GRM7: variants seen among roughly 807,000 people sequenced by gnomAD.
GRM7 encodes the protein glutamate metabotropic receptor 7, also known as metabotropic glutamate receptor 7.
In GRM7, 35 loss-of-function variants were observed where a neutral mutation model predicts 84.5. The observed-to-expected ratio is 0.41, with a 90% CI of 0.32 to 0.55. The LOEUF (loss-of-function observed/expected upper bound fraction) is 0.55, where lower values mean the gene tolerates loss of function less well. Among genes scored for constraint, GRM7 ranks in the 20% least tolerant of loss-of-function variants. GRM7 has a pLI of 0.19. For missense variants in GRM7, 1,003 were observed against 1,194.6 expected (o/e 0.84, Z 2.36); for synonymous variants, 487 against 455.1 (o/e 1.07, Z -0.89).
At chr3:7,182,896 GTTT>G (rs5846493) in intron 2 of GRM7, among the ~76,000 whole-genome samples, 4 of 110,750 alleles carry the variant, frequency 3.6e-5, no homozygotes, top group Admixed American at 9.9e-5. Context: ...ACGTGAAAGT[GTTT>G]TTTTTTTTTT....
At chr3:7,141,691 G>A (rs1306627319) in intron 1 of GRM7, among the ~76,000 whole-genome samples, 1 of 151,168 alleles carries the variant, frequency 6.6e-6, no homozygotes, top group Non-Finnish European at 1.5e-5. Context: ...AATACTCTAA[G>A]CTCATAACAG....
chr3:7,391,704 A>G (rs1695002820), intron 4 of GRM7, among the ~76,000 whole-genome samples: 1 of 152,158 alleles, frequency 6.6e-6, no homozygotes. Flanking sequence ...AACTTAAAGT[A>G]TAATAATAAA....
At chr3:6,973,744 C>T (rs192771039) in intron 1 of GRM7, among the ~76,000 whole-genome samples, 3 of 152,222 alleles carry the variant, frequency 2.0e-5, no homozygotes, top group African/African-American at 7.2e-5. Flanking sequence ...ATTCAAAGAG[C>T]AGCAAGGAAT....
chr3:7,209,990 C>A (rs1696368165), intron 2 of GRM7, among the ~76,000 whole-genome samples: 1 of 152,120 alleles, frequency 6.6e-6, no homozygotes, highest in Admixed American at 6.6e-5. Context: ...GATTGTCTGG[C>A]AGCATGTACT....
At chr3:7,620,826 C>G (rs1046454763) in intron 8 of GRM7, among the ~76,000 whole-genome samples, 4 of 152,114 alleles carry the variant, frequency 2.6e-5, no homozygotes, top group African/African-American at 9.7e-5. Flanking sequence ...CTAGAGCAGC[C>G]TTGTCCAGAA....
chr3:7,687,704 G>C (rs564985124), intron 9 of GRM7, among the ~76,000 whole-genome samples: 1 of 152,220 alleles, frequency 6.6e-6, no homozygotes, highest in South Asian at 2.1e-4. Flanking sequence ...ACTTTTATCA[G>C]ATCACTGTTC....
intron 1 of GRM7, among the ~76,000 whole-genome samples, chr3:7,081,211 C>G (rs927703811): frequency 6.6e-6 from 1 of 152,030 alleles, no homozygotes; most frequent in Non-Finnish European, 1.5e-5. Flanking sequence ...TTGAAGGTCT[C>G]TGGCAATCCT....
At chr3:7,560,846 A>T (rs1034232693) in intron 7 of GRM7, among the ~76,000 whole-genome samples, 1 of 152,090 alleles carries the variant, frequency 6.6e-6, no homozygotes, top group Non-Finnish European at 1.5e-5. Context: ...CACTTATTAT[A>T]ATACATTTTA....
chr3:7,158,180 T>C (rs544976118), intron 2 of GRM7, among the ~76,000 whole-genome samples: 124 of 152,308 alleles, frequency 8.1e-4, no homozygotes, highest in African/African-American at 2.8e-3. Flanking sequence ...AGGATAGAAT[T>C]GAAATGCAAA....
intron 1 of GRM7, among the ~76,000 whole-genome samples, chr3:6,972,430 G>T (rs1211892206): frequency 6.6e-6 from 1 of 152,064 alleles, no homozygotes; most frequent in Non-Finnish European, 1.5e-5. Context: ...TTTCTTGCAG[G>T]GTGGCTCAGA....
chr3:7,421,157 T>C (rs1696376738), intron 5 of GRM7, among the ~76,000 whole-genome samples: 1 of 152,220 alleles, frequency 6.6e-6, no homozygotes, highest in South Asian at 2.1e-4. Flanking sequence ...GTTTATCTTC[T>C]TGTATTATTT....
chr3:7,067,019 C>T (rs918166317), intron 1 of GRM7, among the ~76,000 whole-genome samples: 1 of 151,818 alleles, frequency 6.6e-6, no homozygotes, highest in Admixed American at 6.6e-5. Context: ...AAAGGACATA[C>T]TTTAATATAA....
At chr3:7,208,973 T>C (rs753330391) in intron 2 of GRM7, among the ~76,000 whole-genome samples, 2 of 152,220 alleles carry the variant, frequency 1.3e-5, no homozygotes, top group Non-Finnish European at 2.9e-5. Context: ...GATTATGTCC[T>C]GATAAAACCA....
intron 1 of GRM7, among the ~76,000 whole-genome samples, chr3:7,037,960 AAT>A (rs1296929523): frequency 3.9e-5 from 6 of 152,208 alleles, no homozygotes; most frequent in Non-Finnish European, 8.8e-5. Context: ...TAATAATTTA[AAT>A]AGTCTAATTG....
intron 2 of GRM7, among the ~76,000 whole-genome samples, chr3:7,296,477 A>G (rs576250735): frequency 3.3e-5 from 5 of 152,096 alleles, no homozygotes; most frequent in African/African-American, 1.2e-4. Flanking sequence ...TCATTCACTG[A>G]TAGAATTCAT....
At chr3:7,572,846 AT>A (rs1231372273) in intron 7 of GRM7, among the ~76,000 whole-genome samples, 2 of 25,158 alleles carry the variant, frequency 7.9e-5, no homozygotes, top group African/African-American at 1.3e-4. Context: ...ATATATATAT[AT>A]ATATATATAT....
intron 2 of GRM7, among the ~76,000 whole-genome samples, chr3:7,279,252 A>G (rs989715185): frequency 2.0e-5 from 3 of 152,202 alleles, no homozygotes; most frequent in African/African-American, 7.2e-5. Flanking sequence ...TAAAGGTGTG[A>G]ACATGCGTGA....
intron 1 of GRM7, among the ~76,000 whole-genome samples, chr3:6,996,621 C>A (rs1257150670): frequency 6.6e-6 from 1 of 152,122 alleles, no homozygotes; most frequent in Non-Finnish European, 1.5e-5. Flanking sequence ...GATAAAATGA[C>A]CCAACTTCTC....
At chr3:7,507,583 C>G (rs994740690) in intron 7 of GRM7, among the ~76,000 whole-genome samples, 1 of 152,176 alleles carries the variant, frequency 6.6e-6, no homozygotes, top group African/African-American at 2.4e-5. Flanking sequence ...GCCAAGTCCT[C>G]TCTTAATGCA....
Sources: gnomAD v4.1 joint callset for allele counts (sites outside exome capture counted in the v4.1 genomes callset) on GRCh38, gnomAD v4.1.1 for gene constraint, MANE v1.5 for transcripts, NCBI Gene and HGNC (gene_info 2026-07-23, HGNC 2026-07-21) for gene names.